ANLN: variants seen among roughly 807,000 people sequenced by gnomAD.
The protein encoded by ANLN is anillin, actin binding protein, also known as anillin.
In ANLN, 59 loss-of-function variants were observed where a neutral mutation model predicts 135.1. That is an observed-to-expected ratio of 0.44 (90% CI 0.35 to 0.54). The LOEUF (loss-of-function observed/expected upper bound fraction) is 0.54. Ranked by LOEUF, ANLN falls within the 20% of genes least tolerant of loss-of-function variation. The pLI, the probability that ANLN is intolerant of heterozygous loss-of-function variation, is 0.00. For synonymous variants in ANLN, 406 were observed against 456.4 expected (o/e 0.89, Z 1.41); for missense variants, 1,182 against 1,340.0 (o/e 0.88, Z 1.84).
Position 36,417,146 on chromosome 7 carries a change from A to G in ANLN, c.1589A>G (p.Lys530Arg). Residue 530 changes from lysine to arginine, a missense_variant, in exon 9 of 24, where the codon AAA (lysine) becomes AGA (arginine). Physicochemically the swap from Lys to Arg is conservative, Grantham distance 26. Transcript: ENST00000265748. ...LKITLFLEED[K>R]SLKVTSDPKV... ...ATAACATTGTTTTTAGAAGAGGACA[A>G]ATCCTTAAAAGTAACATCAGACCCA... 6.2e-7 allele frequency: 1 copy of G among 1,609,498 alleles called. No homozygotes were observed. Among genetic ancestry groups the G allele is most frequent in the Non-Finnish European group, 8.5e-7 (1 of 1,178,414 alleles).
In ANLN at chr7:36,396,356, G is replaced by A; in HGVS notation, c.109G>A (p.Ala37Thr). ...AGCAGCTCCAAGGTCTATGACTCAT[G>A]CTAAGCGAGCTAGACAGCCACTTTC... Reference protein sequence around the residue: ...PTAAPRSMTHAKRARQPLSEA... With the variant: ...PTAAPRSMTHTKRARQPLSEA... Residue 37 changes from alanine (A) to threonine (T), a missense_variant, in exon 2 of 24, where the codon GCT becomes ACT. Transcript: ENST00000265748. 15 of 1,607,964 alleles carry A rather than the reference G, an allele frequency of 9.3e-6. No homozygotes were observed. The highest frequency in any genetic ancestry group is 1.2e-5 in the Non-Finnish European group (14 of 1,175,290).
chr7:36,426,012 T>TTTAAAAA lies in ANLN; in HGVS notation c.2749-3_2749-2insTTAAAAA. 6.7e-7 allele frequency: 1 copy of TTTAAAAA among 1,502,840 alleles called. No individual in the cohort carries two copies. 93.1% of individuals were successfully genotyped at this position (1,502,840 alleles called of 1,614,324 possible). A position where few individuals can be genotyped will look rare whatever the true frequency, so the allele number is the denominator to read the frequency against. The stretch of plus-strand genomic sequence containing the variant: ...TTCTTCACACCTTTTTTTTTTTTTT[T>TTTAAAAA]AGAAAAGCAACATTCATTCTTCAGG... On this transcript the variant is annotated splice_region_variant and splice_polypyrimidine_tract_variant and intron_variant, in intron 18 of 23. Transcript: ENST00000265748.
chr7:36,433,850 C>T (rs1052594239), intron 20 of ANLN, among the ~76,000 whole-genome samples: 7 of 151,730 alleles, frequency 4.6e-5, no homozygotes, highest in African/African-American at 1.5e-4. Flanking sequence ...TTTTTTAGTT[C>T]TGAAATTTTC....
At chr7:36,427,634 G>A (rs1363521278) in intron 20 of ANLN, among the ~76,000 whole-genome samples, 1 of 152,158 alleles carries the variant, frequency 6.6e-6, no homozygotes, top group Non-Finnish European at 1.5e-5. Context: ...GATTATAGGT[G>A]TGAGCCACCT....
intron 21 of ANLN, among the ~76,000 whole-genome samples, chr7:36,442,604 T>C (rs1788818483): frequency 1.3e-5 from 2 of 151,982 alleles, no homozygotes; most frequent in Non-Finnish European, 2.9e-5. Context: ...CAGATGAATG[T>C]TGTTTTTTTT....
At position 36,448,180 on chromosome 7, in the gene ANLN, G is replaced by A. The variant is rs139948909; in HGVS notation, c.3079-1485G>A. On this transcript the variant is annotated intron_variant, in intron 22 of 23. Coordinates refer to ENST00000265748, the MANE Select transcript of ANLN (RefSeq NM_018685.5). ...AGGCAAGCGCCACCACGCACGGCTA[G>A]TTTTTGTATTTTCAGTAGAGATGGG... Among the ~76,000 whole-genome samples, 244 of 151,942 alleles carry A rather than the reference G, an allele frequency of 1.6e-3. 1 individual carries two copies. Among genetic ancestry groups the A allele is most frequent in the African/African-American group, 5.6e-3 (231 of 41,448 alleles).
At chr7:36,451,662 T>A (rs1405048953) in intron 23 of ANLN, among the ~76,000 whole-genome samples, 3 of 152,206 alleles carry the variant, frequency 2.0e-5, no homozygotes, top group African/African-American at 7.2e-5. Context: ...CAGTATTTTC[T>A]TCATTGACTA....
At position 36,452,967 on chromosome 7, in the gene ANLN, CAG is replaced by C. The variant is rs1789307688; in HGVS notation, c.*369_*370del. The C allele has an allele frequency of 1.2e-5, 2 of 160,688 alleles. No individual in the cohort carries two copies. Among genetic ancestry groups the C allele is most frequent in the East Asian group, 3.6e-4 (2 of 5,534 alleles). The allele number at this position is 160,688 out of a possible 1,614,324, so 10.0% of individuals were successfully genotyped here. ...AGCAACGTCTTTCAGGGGTTGGAGA[CAG>C]AAACCCATTCTCCAATCTCAGTAGT... On this transcript the variant is annotated 3_prime_UTR_variant, in exon 24 of 24. Transcript: ENST00000265748.
intron 12 of ANLN, among the ~76,000 whole-genome samples, chr7:36,421,370 T>TA (rs1467583518): frequency 1.3e-5 from 2 of 151,256 alleles, no homozygotes; most frequent in Non-Finnish European, 2.9e-5. Flanking sequence ...GCCTGGCTTT[T>TA]AAAAAAAATA....
intron 22 of ANLN, among the ~76,000 whole-genome samples, chr7:36,447,616 C>T (rs1417026910): frequency 6.6e-6 from 1 of 151,618 alleles, no homozygotes; most frequent in Admixed American, 6.6e-5. Flanking sequence ...TTAGTAGAGA[C>T]GGGGTTTCAC....
At chr7:36,391,043 G>A (rs1319609469) in intron 1 of ANLN, among the ~76,000 whole-genome samples, 9 of 152,176 alleles carry the variant, frequency 5.9e-5, no homozygotes, top group Admixed American at 5.9e-4. Flanking sequence ...AATTCTATAA[G>A]TTATGTATGA....
At chr7:36,439,921 G>A (rs188649213) in intron 21 of ANLN, among the ~76,000 whole-genome samples, 10 of 152,288 alleles carry the variant, frequency 6.6e-5, no homozygotes, top group South Asian at 2.1e-4. Flanking sequence ...TAGAGTCAGC[G>A]AGTTACTCTT....
At chr7:36,439,023 C>A (rs1788659061) in intron 20 of ANLN, among the ~76,000 whole-genome samples, 181 bp from the exon 21 acceptor site, 1 of 152,144 alleles carries the variant, frequency 6.6e-6, no homozygotes, top group Non-Finnish European at 1.5e-5. Context: ...TGAATTTATT[C>A]TTCAAAAGTA....
chr7:36,428,265 C>T, intron 20 of ANLN: 1 of 1,092,206 alleles, frequency 9.2e-7, no homozygotes, highest in Non-Finnish European at 1.2e-6. Flanking sequence ...GTTGAGTGAT[C>T]CTGGGTCTTT....
Position 36,419,252 on chromosome 7 carries a change from C to T in ANLN, c.1642C>T (p.Arg548Cys), listed in dbSNP as rs202227780. The stretch of plus-strand genomic sequence containing the variant: ...ATTGAAATATTTTTCAGAAGTGATA[C>T]GTGAAATTGAGATGAGTGTGGATGA... ...PKVEQKIEVI[R>C]EIEMSVDDDD... Residue 548 changes from arginine to cysteine, a missense_variant, in exon 10 of 24, where the codon CGT becomes TGT. Coordinates refer to ENST00000265748, the MANE Select transcript of ANLN (RefSeq NM_018685.5). 131 of 1,610,640 alleles carry T rather than the reference C, an allele frequency of 8.1e-5. No homozygotes were observed. The South Asian group carries it at 9.8e-4, about 12-fold the overall frequency.
intron 17 of ANLN, among the ~76,000 whole-genome samples, chr7:36,424,994 T>C (rs973153389): frequency 6.6e-6 from 1 of 152,180 alleles, no homozygotes; most frequent in Non-Finnish European, 1.5e-5. Context: ...TTGGCAACTT[T>C]TATAACTGCT....
rs1046445840 is a variant in ANLN, at chr7:36,443,622, TAAA to T, written c.2971-128_2971-126del. ...TTTATTATTAAGATAAAAGACATGA[TAAA>T]AAAACATACAAATAGGTTTTGAGAT... On this transcript the variant is annotated intron_variant, in intron 21 of 23. Coordinates refer to ENST00000265748, the MANE Select transcript of ANLN (RefSeq NM_018685.5). 352 of 588,024 alleles carry T rather than the reference TAAA, an allele frequency of 6.0e-4. 1 individual carries two copies. Among genetic ancestry groups the T allele is most frequent in the Non-Finnish European group, 9.2e-4 (304 of 331,934 alleles). The allele number at this position is 588,024 out of a possible 1,614,324, so 36.4% of individuals were successfully genotyped here.
At position 36,405,818 on chromosome 7, in the gene ANLN, A is replaced by G. The variant is rs190219694; in HGVS notation, c.488-363A>G. Among the ~76,000 whole-genome samples the G allele has an allele frequency of 6.4e-4, 98 of 152,350 alleles. No individual in the cohort carries two copies. In the East Asian group the frequency reaches 8.9e-3, roughly 14 times the overall value. On this transcript the variant is annotated intron_variant, in intron 3 of 23. Coordinates refer to ENST00000265748, the MANE Select transcript of ANLN (RefSeq NM_018685.5). ...TGAACAATCAAACATTCTGTTGTAC[A>G]GCAATGGTCTAATCCATTTTTAAAA...
In ANLN at chr7:36,452,514, C is replaced by A. The variant is rs759685567; in HGVS notation, c.3289C>A (p.Leu1097Ile). Residue 1097 changes from leucine to isoleucine, a missense_variant, in exon 24 of 24, where the codon CTC becomes ATC. Around this residue, in one of 3 missense-constraint regions of ANLN, gnomAD observed 78 missense variants for 72.7 expected, o/e 1.07. Transcript: ENST00000265748. The stretch of plus-strand genomic sequence containing the variant: ...TGCAGATACTAAAGAAGAGCGGGAT[C>A]TCTGGATGCAAAAACTCAATCAAGT... ...LSADTKEERD[L>I]WMQKLNQVLV... 6.2e-7 allele frequency: 1 copy of A among 1,614,058 alleles called. No individual in the cohort carries two copies. The highest frequency in any genetic ancestry group is 2.2e-5 in the East Asian group (1 of 44,856).
Sources: gnomAD v4.1 joint callset for allele counts (sites outside exome capture counted in the v4.1 genomes callset) on GRCh38, gnomAD v4.1.1 for gene constraint, gnomAD v4.1.1 regional missense constraint, MANE v1.5 for transcripts, NCBI Gene and HGNC (gene_info 2026-07-23, HGNC 2026-07-21) for gene names.